Variants in NOL10 observed in about 807,000 individuals in gnomAD.
NOL10 encodes H_NH0074G24.1.
Under a neutral mutation model 103.5 loss-of-function variants are expected in NOL10, and 58 were observed. The ratio of observed to expected loss-of-function variants is 0.56; its 90% CI spans 0.45 to 0.70. NOL10 has a LOEUF of 0.70. Among genes scored for constraint, NOL10 ranks in the 30% least tolerant of loss-of-function variants. NOL10 has a pLI of 0.00. For missense variants in NOL10, 763 were observed against 807.3 expected (o/e 0.95, Z 0.67); for synonymous variants, 287 against 282.5 (o/e 1.02, Z -0.16).
At chr2:10,689,637 C>A (rs1189777679) in intron 1 of NOL10, among the ~76,000 whole-genome samples, 159 bp downstream of exon 1, 2 of 152,250 alleles carry the variant, frequency 1.3e-5, no homozygotes, top group Admixed American at 1.3e-4. Context: ...AATGCCGACA[C>A]CTCCCCCGGA....
In NOL10 at chr2:10,621,701, T is replaced by C. The variant is rs572542030; in HGVS notation, c.1027-14390A>G. Among the ~76,000 whole-genome samples the C allele has an allele frequency of 3.9e-5, 6 of 152,350 alleles. No homozygotes were observed. The East Asian group carries it at 1.2e-3, about 29-fold the overall frequency. ...CTTTACTTGCTAGAGGGAAGTACACTGATAGATCTGGAAGAAGAAATTCTC... is the reference window on the plus strand; with the variant it reads ...CTTTACTTGCTAGAGGGAAGTACACCGATAGATCTGGAAGAAGAAATTCTC... On this transcript the variant is annotated intron_variant, in intron 13 of 20. Transcript: ENST00000381685.
chr2:10,629,335 T>C (rs868181265), intron 13 of NOL10, among the ~76,000 whole-genome samples: 6 of 152,218 alleles, frequency 3.9e-5, no homozygotes, highest in South Asian at 2.1e-4. Context: ...TTATGTATTT[T>C]CAAAAATAAC....
At chr2:10,647,641 C>G (rs768456142) in intron 12 of NOL10, among the ~76,000 whole-genome samples, 2 of 152,280 alleles carry the variant, frequency 1.3e-5, no homozygotes, top group Admixed American at 6.5e-5. Flanking sequence ...AGGCTGTGCA[C>G]GCAGAACTGT....
intron 13 of NOL10, among the ~76,000 whole-genome samples, chr2:10,642,072 C>T (rs979784417): frequency 1.3e-5 from 2 of 152,202 alleles, no homozygotes; most frequent in African/African-American, 4.8e-5. Flanking sequence ...AGAGACCTTT[C>T]TCATGATGAA....
In NOL10 at chr2:10,680,308, G is replaced by A. The variant is rs868341699; in HGVS notation, c.211+1663C>T. Among the ~76,000 whole-genome samples, 237 of 90,780 alleles carry A rather than the reference G, an allele frequency of 2.6e-3. 1 individual carries two copies. The highest frequency in any genetic ancestry group is 0.01 in the African/African-American group (222 of 21,374). 59.6% of individuals were successfully genotyped at this position (90,780 alleles called of 152,430 possible). A position where few individuals can be genotyped will look rare whatever the true frequency, so the allele number is the denominator to read the frequency against. On this transcript the variant is annotated intron_variant, in intron 3 of 20. Coordinates refer to ENST00000381685, the MANE Select transcript of NOL10 (RefSeq NM_024894.4). ...GAGAAGAAGGAGAAGAAGGAGAAGA[G>A]GGAGAAGAGGGAGAAGAGGGAGAGG...
chr2:10,593,955 T>A (rs1422548804), intron 17 of NOL10, among the ~76,000 whole-genome samples: 2 of 152,230 alleles, frequency 1.3e-5, no homozygotes, highest in African/African-American at 4.8e-5. Flanking sequence ...CCAAACAGTG[T>A]GGCCAAGTCA....
chr2:10,616,406 G>A (rs1317698357), intron 13 of NOL10, among the ~76,000 whole-genome samples: 1 of 151,826 alleles, frequency 6.6e-6, no homozygotes, highest in Non-Finnish European at 1.5e-5. Context: ...TTTTAGTAGA[G>A]ACGGGGTTTC....
At chr2:10,594,185 T>A (rs1675545189) in intron 17 of NOL10, among the ~76,000 whole-genome samples, 1 of 152,088 alleles carries the variant, frequency 6.6e-6, no homozygotes, top group Admixed American at 6.5e-5. Context: ...CCAGGACGCT[T>A]CCTCTTCCTG....
intron 11 of NOL10, among the ~76,000 whole-genome samples, chr2:10,657,491 CTAACT>C (rs1679920428): frequency 6.6e-6 from 1 of 151,986 alleles, no homozygotes; most frequent in Non-Finnish European, 1.5e-5. Context: ...TTCTCTCTAC[CTAACT>C]TAACATCTAA....
At chr2:10,618,067 G>C (rs1030535221) in intron 13 of NOL10, among the ~76,000 whole-genome samples, 12 of 150,060 alleles carry the variant, frequency 8.0e-5, no homozygotes. Context: ...ATTTGAGATG[G>C]GGTCTCACTA....
chr2:10,579,888 G>A (rs182406146), intron 19 of NOL10, among the ~76,000 whole-genome samples: 2 of 152,262 alleles, frequency 1.3e-5, no homozygotes, highest in Admixed American at 1.3e-4. Context: ...CCAGTAAATT[G>A]TGAGCAATTA....
At chr2:10,582,580 C>T (rs1674818223) in intron 19 of NOL10, among the ~76,000 whole-genome samples, 1 of 152,184 alleles carries the variant, frequency 6.6e-6, no homozygotes, top group Non-Finnish European at 1.5e-5. Flanking sequence ...ATTCCTGAGG[C>T]CAACAAGCAT....
At chr2:10,593,507 G>A (rs1364340241) in intron 17 of NOL10, among the ~76,000 whole-genome samples, 1 of 152,100 alleles carries the variant, frequency 6.6e-6, no homozygotes, top group African/African-American at 2.4e-5. Context: ...GAGTAAAGAT[G>A]GTGGCTTGAA....
chr2:10,666,023 C>T lies in NOL10; in HGVS notation c.591+1195G>A, dbSNP rs75770799. Among the ~76,000 whole-genome samples the T allele has an allele frequency of 5.9e-3, 897 of 152,162 alleles. 2 individuals are homozygous for T. Among genetic ancestry groups the T allele is most frequent in the Non-Finnish European group, 9.2e-3 (623 of 68,004 alleles). On this transcript the variant is annotated intron_variant, in intron 8 of 20. Coordinates refer to ENST00000381685, the MANE Select transcript of NOL10 (RefSeq NM_024894.4). ...ATGGTAGCCAACAGTTAGTTTTCAA[C>T]CCTTGCCTCCCTCCCTCCCTTCCCC...
intron 13 of NOL10, among the ~76,000 whole-genome samples, chr2:10,625,351 G>A (rs781299364): frequency 6.6e-6 from 1 of 152,110 alleles, no homozygotes; most frequent in African/African-American, 2.4e-5. Flanking sequence ...GATGGTGAGG[G>A]AGCGTGTGGG....
At chr2:10,600,799 T>C in intron 17 of NOL10, 54 bp downstream of exon 17, 1 of 1,130,610 alleles carries the variant, frequency 8.8e-7, no homozygotes, top group South Asian at 1.4e-5. Flanking sequence ...AAAAAAGATG[T>C]AAGTTACTAT....
chr2:10,663,495 T>G (rs1558335603), intron 8 of NOL10, among the ~76,000 whole-genome samples: 1 of 151,882 alleles, frequency 6.6e-6, no homozygotes, highest in African/African-American at 2.4e-5. Flanking sequence ...AGGGAAGAAA[T>G]ATCATAATGC....
At position 10,681,995 on chromosome 2, in the gene NOL10, CT is replaced by C; in HGVS notation, c.186del (p.Asp63MetfsTer6). ...CCAGTTGCTAAAATGTACTGTCCAT[CT>C]TTTGACACCTTAATAGTGGTACACA... ...PTVCTTIKVS[K>X]DGQYILATGT... is the part of the protein sequence containing the mutation. On this transcript the variant is annotated frameshift_variant, in exon 3 of 21. Coordinates refer to ENST00000381685, the MANE Select transcript of NOL10 (RefSeq NM_024894.4). LOFTEE classifies it high-confidence loss of function. 1 of 1,481,422 alleles carries C rather than the reference CT, an allele frequency of 6.8e-7. No homozygotes were observed. Among genetic ancestry groups the C allele is most frequent in the African/African-American group, 1.4e-5 (1 of 70,822 alleles). The allele number at this position is 1,481,422 out of a possible 1,614,324, so 91.8% of individuals were successfully genotyped here.
At chr2:10,679,603 C>G (rs1558353058) in intron 3 of NOL10, among the ~76,000 whole-genome samples, 1 of 141,834 alleles carries the variant, frequency 7.1e-6, no homozygotes, top group East Asian at 2.0e-4. Flanking sequence ...CTCTCTCCTT[C>G]CTCTCTTTCT....
Sources: allele counts gnomAD v4.1 joint callset (sites outside exome capture counted in the v4.1 genomes callset), GRCh38; gene constraint gnomAD v4.1.1; transcripts MANE v1.5; gene names NCBI Gene and HGNC (gene_info 2026-07-23, HGNC 2026-07-21).